The following CAMTA1 variants were observed in gnomAD, a reference collection of about 807,000 sequenced individuals.
The protein encoded by CAMTA1 is calmodulin-binding transcription activator 1.
In CAMTA1, 27 loss-of-function variants were observed where a neutral mutation model predicts 170.9. That is an observed-to-expected ratio of 0.16 (90% CI 0.12 to 0.22). CAMTA1 has a LOEUF of 0.22. CAMTA1 is among the 10% of genes least tolerant of loss of function. The probability of loss-of-function intolerance (pLI) is 1.00; values close to 1 mark genes in which losing one functional copy is unlikely to be tolerated. For synonymous variants in CAMTA1, 833 were observed against 891.5 expected, an observed-to-expected ratio of 0.93 and a Z score of 1.17; for missense variants, 1,619 against 2,217.2, an observed-to-expected ratio of 0.73 and a Z score of 5.42.
At chr1:7,506,893 C>T (rs1395821853) in intron 6 of CAMTA1, among the ~76,000 whole-genome samples, 1 of 152,076 alleles carries the variant, frequency 6.6e-6, no homozygotes, top group East Asian at 1.9e-4. Context: ...TCAAAATTCA[C>T]ACTATCTCTT....
chr1:7,489,229 T>C (rs2093666389), intron 6 of CAMTA1, among the ~76,000 whole-genome samples: 4 of 152,260 alleles, frequency 2.6e-5, no homozygotes, highest in Admixed American at 1.3e-4. Flanking sequence ...CATTTGTTTC[T>C]GTCCCCCGTT....
In CAMTA1 at chr1:6,908,915, CAT is replaced by C. The variant is rs1354620183; in HGVS notation, c.234+83706_234+83707del. ...AGATGCTGGCATCTTCAGAATCACA[CAT>C]GAGTATTGAGAAGTCATGGCTGAAA... On this transcript the variant is annotated intron_variant, in intron 3 of 22. Transcript: ENST00000303635. Among the ~76,000 whole-genome samples the C allele has an allele frequency of 1.9e-4, 29 of 152,346 alleles. No homozygotes were observed. The South Asian group carries it at 2.7e-3, about 14-fold the overall frequency.
chr1:6,956,214 T>C (rs1331408150), intron 3 of CAMTA1, among the ~76,000 whole-genome samples: 1 of 152,122 alleles, frequency 6.6e-6, no homozygotes, highest in Non-Finnish European at 1.5e-5. Flanking sequence ...GTCCCTGATC[T>C]CCTATCAGCA....
At chr1:7,705,821 A>T (rs1010327632) in intron 11 of CAMTA1, among the ~76,000 whole-genome samples, 4 of 152,186 alleles carry the variant, frequency 2.6e-5, no homozygotes, top group Non-Finnish European at 5.9e-5. Flanking sequence ...CTGAAAGTGG[A>T]TGGAAGGCTC....
At chr1:7,507,491 A>G (rs1402654443) in intron 6 of CAMTA1, among the ~76,000 whole-genome samples, 1 of 152,210 alleles carries the variant, frequency 6.6e-6, no homozygotes, top group Non-Finnish European at 1.5e-5. Flanking sequence ...TTGGCACCTG[A>G]AAAACCCCAA....
At chr1:7,627,836 G>T (rs1376548521) in intron 6 of CAMTA1, among the ~76,000 whole-genome samples, 1 of 152,168 alleles carries the variant, frequency 6.6e-6, no homozygotes, top group South Asian at 2.1e-4. Flanking sequence ...GCTAAGTCCC[G>T]GGAAGTAGTT....
At chr1:6,945,910 C>T (rs773835711) in intron 3 of CAMTA1, among the ~76,000 whole-genome samples, 3 of 152,198 alleles carry the variant, frequency 2.0e-5, no homozygotes, top group East Asian at 1.9e-4. Flanking sequence ...CGTTAGTCGA[C>T]GGACAATAGG....
At position 7,224,370 on chromosome 1, in the gene CAMTA1, G is replaced by A. The variant is rs551505315; in HGVS notation, c.303-25121G>A. 2.6e-5 allele frequency among the ~76,000 whole-genome samples: 4 copies of A among 152,190 alleles called. No homozygotes were observed. The highest frequency in any genetic ancestry group is 5.9e-5 in the Non-Finnish European group (4 of 68,034). On this transcript the variant is annotated intron_variant, in intron 4 of 22. Transcript: ENST00000303635. The surrounding 1 kb of genome is among the most constrained non-coding windows in gnomAD (Gnocchi z 5.2). ...TGCAGGCTCTCGTCCCAGTTGGCAA[G>A]GGCGCCACAGCTGGATGGCTCAGCG...
intron 5 of CAMTA1, among the ~76,000 whole-genome samples, chr1:7,387,558 A>C (rs1297676193): frequency 6.6e-6 from 1 of 152,172 alleles, no homozygotes; most frequent in Admixed American, 6.5e-5. Context: ...TCCCAGCCTG[A>C]GGCTCACCCA....
rs1179069024 is a variant in CAMTA1, at chr1:7,093,118, T to C, written c.302+1747T>C. ...GAGAGCCTGACATGCTCATTTCCCC[T>C]TTCTTCTGCGGCATCTTCTTGGAGG... On this transcript the variant is annotated intron_variant, in intron 4 of 22. Coordinates refer to ENST00000303635, the MANE Select transcript of CAMTA1 (RefSeq NM_015215.4). The surrounding 1 kb of genome is among the most constrained non-coding windows in gnomAD (Gnocchi z 4.6). 6.6e-6 allele frequency among the ~76,000 whole-genome samples: 1 copy of C among 152,212 alleles called. No homozygotes were observed. The highest frequency in any genetic ancestry group is 1.9e-4 in the East Asian group (1 of 5,196).
intron 5 of CAMTA1, among the ~76,000 whole-genome samples, chr1:7,256,420 CA>C (rs1314442997): frequency 6.6e-6 from 1 of 152,122 alleles, no homozygotes; most frequent in Non-Finnish European, 1.5e-5. Context: ...ATTAGCCGGG[CA>C]TGGTGGCGGG....
chr1:7,005,375 C>T (rs1355986230), intron 3 of CAMTA1, among the ~76,000 whole-genome samples: 1 of 152,184 alleles, frequency 6.6e-6, no homozygotes, highest in Non-Finnish European at 1.5e-5. Context: ...CCCAGGAGTC[C>T]AGGTTCAGTT....
intron 3 of CAMTA1, among the ~76,000 whole-genome samples, chr1:6,951,435 G>A (rs1688464624): frequency 6.6e-6 from 1 of 152,312 alleles, no homozygotes; most frequent in African/African-American, 2.4e-5. Context: ...ATAATGGATG[G>A]AAAGTCTCTG....
chr1:7,442,835 A>G (rs2092581816), intron 5 of CAMTA1, among the ~76,000 whole-genome samples: 1 of 152,120 alleles, frequency 6.6e-6, no homozygotes, highest in South Asian at 2.1e-4. Flanking sequence ...GCTGGTATTT[A>G]GAGATTGGCA....
chr1:7,103,995 C>G (rs1643232572), intron 4 of CAMTA1, among the ~76,000 whole-genome samples: 3 of 151,202 alleles, frequency 2.0e-5, no homozygotes. Flanking sequence ...CAAGTACACA[C>G]ATGAACACAA....
intron 11 of CAMTA1, among the ~76,000 whole-genome samples, chr1:7,708,540 C>CAGAA (rs2096544604): frequency 3.3e-5 from 5 of 152,160 alleles, no homozygotes; most frequent in Admixed American, 3.3e-4. Context: ...CCAGTATGAT[C>CAGAA]TTGTGTAATG....
At chr1:7,737,675 T>C (rs1230723495) in intron 15 of CAMTA1, 105 bp downstream of exon 15, 2 of 1,128,936 alleles carry the variant, frequency 1.8e-6, no homozygotes, top group Non-Finnish European at 2.5e-6. Context: ...ACATTTCAGT[T>C]TTTTTGTTAA....
rs535962277 is a variant in CAMTA1 at position 6,954,117 on chromosome 1, A to C, written c.234+128907A>C. Reference sequence around the variant, plus strand: ...GTCCTTTTTCTCACCATTTCATGAAAAGCTTGTGTTGCTTTTGCCAGCCAG... The same window carrying C: ...GTCCTTTTTCTCACCATTTCATGAACAGCTTGTGTTGCTTTTGCCAGCCAG... On this transcript the variant is annotated intron_variant, in intron 3 of 22. Coordinates refer to ENST00000303635, the MANE Select transcript of CAMTA1 (RefSeq NM_015215.4). Among the ~76,000 whole-genome samples the C allele has an allele frequency of 2.0e-3, 302 of 152,304 alleles. 1 individual carries two copies. Among genetic ancestry groups the C allele is most frequent in the Non-Finnish European group, 3.6e-3 (245 of 68,018 alleles).
At chr1:6,929,609 C>T (rs943668572) in intron 3 of CAMTA1, among the ~76,000 whole-genome samples, 3 of 151,874 alleles carry the variant, frequency 2.0e-5, no homozygotes, top group African/African-American at 4.8e-5. Flanking sequence ...GTGATCCGCC[C>T]GCCTCGGCTT....
Sources: gnomAD v4.1 joint callset for allele counts (sites outside exome capture counted in the v4.1 genomes callset) on GRCh38, gnomAD v4.1.1 for gene constraint, Gnocchi (gnomAD v3.1) non-coding constraint, MANE v1.5 for transcripts, NCBI Gene and HGNC (gene_info 2026-07-23, HGNC 2026-07-21) for gene names.